ADARB2: variants seen among roughly 807,000 people sequenced by gnomAD.
ADARB2 encodes the protein inactive double-stranded RNA-specific editase B2.
ADARB2 carries 25 observed loss-of-function variants against 62.2 expected under a neutral mutation model. The ratio of observed to expected loss-of-function variants is 0.40; its 90% CI spans 0.29 to 0.56. ADARB2 has a LOEUF of 0.56. Among genes scored for constraint, ADARB2 ranks in the 20% least tolerant of loss-of-function variants. ADARB2 has a pLI of 0.43. For missense variants in ADARB2, 1,071 were observed against 1,077.4 expected (o/e 0.99, Z 0.08); for synonymous variants, 572 against 500.8 (o/e 1.14, Z -1.90).
intron 1 of ADARB2, among the ~76,000 whole-genome samples, chr10:1,708,546 C>T (rs1313049075): frequency 6.6e-6 from 1 of 152,168 alleles, no homozygotes; most frequent in Non-Finnish European, 1.5e-5. Flanking sequence ...AGTCAAGACG[C>T]CAATCAAGAA....
chr10:1,502,710 G>A (rs1319468511), intron 1 of ADARB2, among the ~76,000 whole-genome samples: 4 of 152,214 alleles, frequency 2.6e-5, no homozygotes, highest in Non-Finnish European at 5.9e-5. Context: ...TCCAGGTTGT[G>A]TAGTTTAAAA....
Position 1,296,994 on chromosome 10 carries a change from C to T in ADARB2, c.1078-25925G>A, listed in dbSNP as rs148928362. Among the ~76,000 whole-genome samples the T allele has an allele frequency of 6.6e-5, 10 of 152,260 alleles. No individual in the cohort carries two copies. The East Asian group carries it at 1.2e-3, about 18-fold the overall frequency. On this transcript the variant is annotated intron_variant, in intron 3 of 9. Coordinates refer to ENST00000381312, the MANE Select transcript of ADARB2 (RefSeq NM_018702.4). ...CCAGTATTTTATTTGTGTAATCTTT[C>T]GTGTTTTCCTTTTCTTTTCCTCCTA... is the stretch of plus-strand genomic sequence containing the variant.
At chr10:1,234,874 G>A (rs192427928) in intron 5 of ADARB2, among the ~76,000 whole-genome samples, 59 of 148,934 alleles carry the variant, frequency 4.0e-4, no homozygotes, top group African/African-American at 1.3e-3. Flanking sequence ...TCAGCCTCCT[G>A]AGTAGTTGGG....
chr10:1,280,296 C>T (rs1831358465), intron 3 of ADARB2, among the ~76,000 whole-genome samples: 1 of 152,206 alleles, frequency 6.6e-6, no homozygotes, highest in Non-Finnish European at 1.5e-5. Flanking sequence ...ATGATGTCAC[C>T]TGAGCGGCTC....
At chr10:1,212,395 G>A (rs967220552) in intron 7 of ADARB2, among the ~76,000 whole-genome samples, 2 of 152,206 alleles carry the variant, frequency 1.3e-5, no homozygotes, top group South Asian at 2.1e-4. Context: ...GTACATCCTG[G>A]TCTATGCTCA....
chr10:1,445,680 A>G (rs915347806), intron 1 of ADARB2, among the ~76,000 whole-genome samples: 2 of 152,272 alleles, frequency 1.3e-5, no homozygotes, highest in Non-Finnish European at 2.9e-5. Context: ...AAAATTAAAA[A>G]TTGCCAGTTA....
chr10:1,605,790 G>A (rs1454874505), intron 1 of ADARB2, among the ~76,000 whole-genome samples: 2 of 152,160 alleles, frequency 1.3e-5, no homozygotes, highest in Non-Finnish European at 2.9e-5. Flanking sequence ...GGGCTTCAAC[G>A]TATATTGGCT....
intron 1 of ADARB2, among the ~76,000 whole-genome samples, chr10:1,560,944 G>A (rs1016781370): frequency 6.6e-6 from 1 of 152,100 alleles, no homozygotes; most frequent in African/African-American, 2.4e-5. Context: ...CTCCAGTGAG[G>A]GCCTCGTGTA....
intron 1 of ADARB2, among the ~76,000 whole-genome samples, chr10:1,474,891 G>A (rs11817021): frequency 0.5 from 75,837 of 152,046 alleles, 19,063 homozygotes; most frequent in East Asian, 0.57. Flanking sequence ...CGTGTCACGG[G>A]GGGTCACGCA....
At chr10:1,688,301 G>T (rs1240233878) in intron 1 of ADARB2, among the ~76,000 whole-genome samples, 1 of 152,208 alleles carries the variant, frequency 6.6e-6, no homozygotes, top group Non-Finnish European at 1.5e-5. Flanking sequence ...CCCAGTGGGA[G>T]CTGCAGCCTT....
At chr10:1,511,269 G>A (rs1046249865) in intron 1 of ADARB2, among the ~76,000 whole-genome samples, 3 of 152,200 alleles carry the variant, frequency 2.0e-5, no homozygotes, top group Non-Finnish European at 2.9e-5. Context: ...GATAGATTAT[G>A]TATCAGAATG....
In ADARB2 at chr10:1,256,239, A is replaced by G. The variant is rs1029947988; in HGVS notation, c.1193-13940T>C. ...GCTCTGCTGTGGAGACTGAGATGCA[A>G]AACTCTCCCTTTCCAACTCTCCCCG... On this transcript the variant is annotated intron_variant, in intron 4 of 9. Coordinates refer to ENST00000381312, the MANE Select transcript of ADARB2 (RefSeq NM_018702.4). Among the ~76,000 whole-genome samples, 15 of 152,290 alleles carry G rather than the reference A, an allele frequency of 9.8e-5. No individual in the cohort carries two copies. The South Asian group carries it at 2.9e-3, about 29-fold the overall frequency.
chr10:1,518,570 G>A (rs189688070), intron 1 of ADARB2, among the ~76,000 whole-genome samples: 6 of 152,212 alleles, frequency 3.9e-5, no homozygotes, highest in Admixed American at 3.9e-4. Context: ...TGCATGTGGT[G>A]TGGTCATATG....
intron 1 of ADARB2, among the ~76,000 whole-genome samples, chr10:1,681,824 C>A (rs1034837341): frequency 6.6e-6 from 1 of 152,126 alleles, no homozygotes; most frequent in Non-Finnish European, 1.5e-5. Context: ...TGGTGTGGCT[C>A]CCTGCGAGCA....
chr10:1,578,261 A>G (rs1833048467), intron 1 of ADARB2, among the ~76,000 whole-genome samples: 1 of 152,240 alleles, frequency 6.6e-6, no homozygotes, highest in African/African-American at 2.4e-5. Context: ...AGCAGGTGAC[A>G]AAGCATGAAG....
chr10:1,198,457 T>C (rs1179764322), intron 8 of ADARB2, among the ~76,000 whole-genome samples: 3 of 152,228 alleles, frequency 2.0e-5, no homozygotes, highest in African/African-American at 7.2e-5. Flanking sequence ...GCATGATTGG[T>C]TTTTAAATGT....
intron 8 of ADARB2, chr10:1,187,737 T>G (rs938504871): frequency 7.6e-6 from 2 of 261,740 alleles, no homozygotes; most frequent in Admixed American, 3.9e-5. Context: ...ACCCAGCACG[T>G]GCACTGCTCC....
At chr10:1,278,842 G>T (rs987385992) in intron 3 of ADARB2, among the ~76,000 whole-genome samples, 3 of 151,776 alleles carry the variant, frequency 2.0e-5, no homozygotes, top group Non-Finnish European at 4.4e-5. Context: ...ATGCAGTGCT[G>T]CATCTGTGGC....
chr10:1,616,828 T>C (rs74406143), intron 1 of ADARB2, among the ~76,000 whole-genome samples: 64,068 of 89,358 alleles, frequency 0.72, 22,253 homozygotes, highest in African/African-American at 0.8. Context: ...TTTGTGTGCC[T>C]CTCCAGACAC....
Sources: gnomAD v4.1 joint callset for allele counts (sites outside exome capture counted in the v4.1 genomes callset) on GRCh38, gnomAD v4.1.1 for gene constraint, MANE v1.5 for transcripts, NCBI Gene and HGNC (gene_info 2026-07-23, HGNC 2026-07-21) for gene names.